The following TIPRL variants were observed in gnomAD, a reference collection of about 807,000 sequenced individuals.
TIPRL encodes TOR signaling pathway regulator.
A neutral mutation model predicts 32.3 loss-of-function variants in TIPRL; 10 were observed. That is an observed-to-expected ratio of 0.31 (90% CI 0.19 to 0.52). The LOEUF (loss-of-function observed/expected upper bound fraction) is 0.52, where lower values mean the gene tolerates loss of function less well. Ranked by LOEUF, TIPRL falls within the 20% of genes least tolerant of loss-of-function variation. TIPRL has a pLI of 0.96. For missense variants in TIPRL, 250 were observed against 328.1 expected, an observed-to-expected ratio of 0.76 and a Z score of 1.84; for synonymous variants, 100 against 114.0, an observed-to-expected ratio of 0.88 and a Z score of 0.78.
At chr1:168,186,313 T>C (rs908883338) in intron 3 of TIPRL, among the ~76,000 whole-genome samples, 3 of 151,686 alleles carry the variant, frequency 2.0e-5, no homozygotes, top group Non-Finnish European at 4.4e-5. Context: ...TTGGCCAACA[T>C]AGTGAGACCG....
At chr1:168,187,913 A>G (rs1700047677) in intron 3 of TIPRL, among the ~76,000 whole-genome samples, 2 of 152,176 alleles carry the variant, frequency 1.3e-5, no homozygotes, top group Admixed American at 1.3e-4. Context: ...GCGAGGCTGC[A>G]GTGAGCTGTG....
At chr1:168,188,971 ACT>A (rs1196602596) in intron 3 of TIPRL, among the ~76,000 whole-genome samples, 2 of 131,884 alleles carry the variant, frequency 1.5e-5, no homozygotes, top group Admixed American at 8.4e-5. Context: ...ACAGAGCGAG[ACT>A]CTGTCTCAAG....
intron 3 of TIPRL, among the ~76,000 whole-genome samples, chr1:168,187,904 C>T (rs1301233429): frequency 1.3e-5 from 2 of 152,014 alleles, no homozygotes; most frequent in Non-Finnish European, 2.9e-5. Context: ...CCCAGGAAGG[C>T]GAGGCTGCAG....
chr1:168,196,684 C>A, intron 5 of TIPRL, 42 bp downstream of exon 5: 3 of 1,380,622 alleles, frequency 2.2e-6, no homozygotes, highest in Middle Eastern at 1.9e-4. Context: ...TGATACTGGG[C>A]TTGTTTGTGT....
chr1:168,200,540 T>C lies in TIPRL; in HGVS notation c.*494T>C, dbSNP rs1452352527. Reference sequence around the variant, plus strand: ...GCCACATACGAAATTAGTCTCATAGTGTAGTGAACTTCAACCCCAAAATTT... The same window carrying C: ...GCCACATACGAAATTAGTCTCATAGCGTAGTGAACTTCAACCCCAAAATTT... On this transcript the variant is annotated 3_prime_UTR_variant, in exon 7 of 7. Transcript: ENST00000367833. The C allele has an allele frequency of 1.3e-5, 2 of 152,126 alleles. No homozygotes were observed. The highest frequency in any genetic ancestry group is 1.9e-4 in the East Asian group (1 of 5,190). 9.4% of individuals were successfully genotyped at this position (152,126 alleles called of 1,614,324 possible). A position where few individuals can be genotyped will look rare whatever the true frequency, so the allele number is the denominator to read the frequency against.
At position 168,184,073 on chromosome 1, in the gene TIPRL, A is replaced by G. The variant is rs1329546020; in HGVS notation, c.276A>G (p.Gln92=). 3 of 1,606,842 alleles carry G rather than the reference A, an allele frequency of 1.9e-6. No homozygotes were observed. Among genetic ancestry groups the G allele is most frequent in the East Asian group, 2.2e-5 (1 of 44,756 alleles). Residue 92 remains glutamine, a synonymous_variant, in exon 2 of 7, where the codon CAA becomes CAG. Coordinates refer to ENST00000367833, the MANE Select transcript of TIPRL (RefSeq NM_152902.5). ...AAGTGGCCTGTGCTGAAGAGTGGCA[A>G]GAAAGCAGGTGAGAATCCGGTCAAT... ...MLKVACAEEW[Q]ESRTEGEHSK... is the part of the protein sequence containing the mutation.
chr1:168,196,699 TA>T, intron 5 of TIPRL, 57 bp downstream of exon 5: 1 of 1,209,056 alleles, frequency 8.3e-7, no homozygotes, highest in Non-Finnish European at 1.2e-6. Context: ...TTGTGTTGTT[TA>T]ATTGTCAATC....
At chr1:168,182,741 G>C (rs1394518529) in intron 1 of TIPRL, among the ~76,000 whole-genome samples, 1 of 152,140 alleles carries the variant, frequency 6.6e-6, no homozygotes, top group East Asian at 1.9e-4. Flanking sequence ...TATTTTATAG[G>C]ACTGCCACAT....
chr1:168,199,842 C>T (rs1572438468), intron 6 of TIPRL, 61 bp from the exon 7 acceptor site: 3 of 1,536,996 alleles, frequency 2.0e-6, no homozygotes, highest in East Asian at 2.3e-5. Flanking sequence ...TGAACCAAAA[C>T]ATTTGTAAAA....
chr1:168,192,852 C>A (rs562064805), intron 4 of TIPRL, among the ~76,000 whole-genome samples: 1 of 125,830 alleles, frequency 7.9e-6, no homozygotes, highest in Admixed American at 8.5e-5. Context: ...TGCCACTGCA[C>A]TCCAGCCTGG....
intron 4 of TIPRL, among the ~76,000 whole-genome samples, chr1:168,195,047 C>T (rs147380359): frequency 2.0e-3 from 302 of 152,212 alleles, no homozygotes; most frequent in Non-Finnish European, 3.6e-3. Flanking sequence ...GAACATTAGC[C>T]GGGAGAATAC....
In TIPRL at chr1:168,199,912, C is replaced by T; in HGVS notation, c.685C>T (p.Pro229Ser). The T allele has an allele frequency of 6.2e-7, 1 of 1,612,470 alleles. No homozygotes were observed. Among genetic ancestry groups the T allele is most frequent in the Non-Finnish European group, 8.5e-7 (1 of 1,179,256 alleles). The change falls in exon 7 of 7, where the codon CCT (proline) becomes TCT (serine). Residue 229 changes from proline to serine, a missense_variant. Physicochemically the swap from Pro to Ser is moderately conservative, Grantham distance 74. Coordinates refer to ENST00000367833, the MANE Select transcript of TIPRL (RefSeq NM_152902.5). ...SKISSLMHVP[P>S]SLFTEPNEIS... ...TTTATGTATTTCCTAGCATGTTCCA[C>T]CTTCCCTCTTCACGGAACCTAATGA...
chr1:168,196,076 C>T (rs1162777274), intron 4 of TIPRL, among the ~76,000 whole-genome samples: 1 of 152,120 alleles, frequency 6.6e-6, no homozygotes, highest in Admixed American at 6.5e-5. Flanking sequence ...AGGTCTTTAG[C>T]AATATGTAAT....
chr1:168,199,481 A>G (rs1464495930), intron 6 of TIPRL, among the ~76,000 whole-genome samples: 3 of 152,092 alleles, frequency 2.0e-5, no homozygotes, highest in East Asian at 1.9e-4. Context: ...GTACCTTCCT[A>G]TAAACTTGAT....
intron 1 of TIPRL, among the ~76,000 whole-genome samples, chr1:168,182,401 G>A (rs968464723): frequency 6.6e-6 from 1 of 152,172 alleles, no homozygotes; most frequent in African/African-American, 2.4e-5. Context: ...CGAGGCAGGT[G>A]GATCACCTGA....
intron 3 of TIPRL, among the ~76,000 whole-genome samples, chr1:168,188,599 T>C (rs970537105): frequency 7.9e-5 from 12 of 152,168 alleles, no homozygotes; most frequent in African/African-American, 2.9e-4. Context: ...CCCATAAAAA[T>C]AGGTAACAGG....
At chr1:168,183,846 A>T (rs570468213) in intron 1 of TIPRL, 56 bp from the exon 2 acceptor site, 1 of 1,567,196 alleles carries the variant, frequency 6.4e-7, no homozygotes, top group East Asian at 2.3e-5. Flanking sequence ...TGGAAAAGAA[A>T]CAAAAATGCC....
At chr1:168,199,373 TG>T (rs1438340994) in intron 6 of TIPRL, among the ~76,000 whole-genome samples, 1 of 142,170 alleles carries the variant, frequency 7.0e-6, no homozygotes, top group Non-Finnish European at 1.5e-5. Context: ...TACCATAATT[TG>T]TTTGTTTTGG....
rs574674107 is a variant in TIPRL at position 168,192,026 on chromosome 1, T to G, written c.516+526T>G. ...GCAAAGCATTTTTAATAGACCTGCC[T>G]GGCCACCTTGTAGTTTATTTGTTTA... On this transcript the variant is annotated intron_variant, in intron 4 of 6. Coordinates refer to ENST00000367833, the MANE Select transcript of TIPRL (RefSeq NM_152902.5). Among the ~76,000 whole-genome samples, 5 of 152,332 alleles carry G rather than the reference T, an allele frequency of 3.3e-5. No homozygotes were observed. In the South Asian group the frequency reaches 1.0e-3, roughly 32 times the overall value.
Sources: gnomAD v4.1 joint callset for allele counts (sites outside exome capture counted in the v4.1 genomes callset) on GRCh38, gnomAD v4.1.1 for gene constraint, MANE v1.5 for transcripts, NCBI Gene and HGNC (gene_info 2026-07-23, HGNC 2026-07-21) for gene names.